COL8A2: variants seen among roughly 807,000 people sequenced by gnomAD.
COL8A2 encodes the protein collagen type VIII alpha 2 chain.
Under a neutral mutation model 24.0 loss-of-function variants are expected in COL8A2, and 16 were observed. The ratio of observed to expected loss-of-function variants is 0.67; its 90% CI spans 0.45 to 1.01. The LOEUF (loss-of-function observed/expected upper bound fraction) is 1.01, where lower values mean the gene tolerates loss of function less well. Among genes scored for constraint, COL8A2 ranks in the 50% least tolerant of loss-of-function variants. The pLI, the probability that COL8A2 is intolerant of heterozygous loss-of-function variation, is 0.00. For synonymous variants in COL8A2, 466 were observed against 424.5 expected (o/e 1.10, Z -1.20); for missense variants, 818 against 942.4 (o/e 0.87, Z 1.73).
At chr1:36,110,507 C>A (rs1643825071) in intron 2 of COL8A2, among the ~76,000 whole-genome samples, 1 of 139,800 alleles carries the variant, frequency 7.2e-6, no homozygotes, top group African/African-American at 3.4e-5. Context: ...CTTTCTCACC[C>A]AAGCTGGAGT....
rs1042743559 is a variant in COL8A2, at chr1:36,097,845, G to A, written c.1836C>T (p.Phe612=). 4.6e-5 allele frequency: 74 copies of A among 1,613,050 alleles called. No individual in the cohort carries two copies. The highest frequency in any genetic ancestry group is 6.0e-5 in the Non-Finnish European group (71 of 1,180,042). The change falls in exon 4 of 4, where the codon TTC becomes TTT. Residue 612 remains phenylalanine, a synonymous_variant. Transcript: ENST00000397799. ...HSGYNPATGI[F]TCPVGGVYYF... is the part of the protein sequence containing the mutation. ...AGTAGACGCCGCCCACAGGGCAGGTGAAGATGCCAGTGGCTGGGTTGTAGC... is the reference window on the plus strand; with the variant it reads ...AGTAGACGCCGCCCACAGGGCAGGTAAAGATGCCAGTGGCTGGGTTGTAGC...
At position 36,099,201 on chromosome 1, in the gene COL8A2, G is replaced by A. The variant is rs1290245792; in HGVS notation, c.480C>T (p.Pro160=). 3 of 1,520,474 alleles carry A rather than the reference G, an allele frequency of 2.0e-6. No homozygotes were observed. The highest frequency in any genetic ancestry group is 2.2e-5 in the Admixed American group (1 of 44,854). The allele number at this position is 1,520,474 out of a possible 1,614,324, so 94.2% of individuals were successfully genotyped here. ...TGCCTGAGGGGCCCGGGAGGCCAGG[G>A]GGTCCTGGGGGTCCCCGGAGGCCCT... The part of the protein sequence containing the change: ...GDQGLRGPPG[P]PGLPGPSGIT... Residue 160 remains proline (P), a synonymous_variant, in exon 4 of 4, where the codon CCC becomes CCT. Transcript: ENST00000397799.
intron 1 of COL8A2, among the ~76,000 whole-genome samples, chr1:36,120,909 T>C (rs1206357354): frequency 1.3e-5 from 2 of 151,188 alleles, no homozygotes; most frequent in Non-Finnish European, 2.9e-5. Flanking sequence ...GCCAACATGG[T>C]GAAACCTTGT....
At position 36,098,798 on chromosome 1, in the gene COL8A2, A is replaced by G; in HGVS notation, c.883T>C (p.Ser295Pro). The G allele has an allele frequency of 6.2e-7, 1 of 1,610,630 alleles. No individual in the cohort carries two copies. Among genetic ancestry groups the G allele is most frequent in the East Asian group, 2.2e-5 (1 of 44,680 alleles). ...AAGLPGPQGP[S>P]GAKGEPGTRG... Reference sequence around the variant, plus strand: ...GTCCCTGGCTCCCCTTTGGCCCCTGATGGGCCCTGTGGTCCTGGCAACCCT... The same window carrying G: ...GTCCCTGGCTCCCCTTTGGCCCCTGGTGGGCCCTGTGGTCCTGGCAACCCT... Residue 295 changes from serine (S) to proline (P), a missense_variant, in exon 4 of 4, where the codon TCA becomes CCA. Coordinates refer to ENST00000397799, the MANE Select transcript of COL8A2 (RefSeq NM_005202.4).
chr1:36,111,456 T>C (rs1416107290), intron 2 of COL8A2, among the ~76,000 whole-genome samples: 3 of 152,080 alleles, frequency 2.0e-5, no homozygotes, highest in Non-Finnish European at 4.4e-5. Context: ...TCTGGATGTT[T>C]CTCCTATAGT....
chr1:36,097,278 C>T lies in COL8A2; in HGVS notation c.*291G>A. On this transcript the variant is annotated 3_prime_UTR_variant, in exon 4 of 4. Coordinates refer to ENST00000397799, the MANE Select transcript of COL8A2 (RefSeq NM_005202.4). ...GAGTTGAGCTCCCTCTCAGCTCCTTCAGGGCCCAGCAGAGGCCAGGACTCA... is the reference window on the plus strand; with the variant it reads ...GAGTTGAGCTCCCTCTCAGCTCCTTTAGGGCCCAGCAGAGGCCAGGACTCA... 3.1e-6 allele frequency: 1 copy of T among 319,586 alleles called. No individual in the cohort carries two copies. Among genetic ancestry groups the T allele is most frequent in the Non-Finnish European group, 5.8e-6 (1 of 172,060 alleles). 19.8% of individuals were successfully genotyped at this position (319,586 alleles called of 1,614,324 possible). A position where few individuals can be genotyped will look rare whatever the true frequency, so the allele number is the denominator to read the frequency against.
At chr1:36,107,633 G>C (rs1643779931) in intron 2 of COL8A2, among the ~76,000 whole-genome samples, 1 of 152,160 alleles carries the variant, frequency 6.6e-6, no homozygotes, top group African/African-American at 2.4e-5. Flanking sequence ...GGTGAGAAGG[G>C]TGTGTGCGGC....
intron 1 of COL8A2, among the ~76,000 whole-genome samples, chr1:36,118,577 C>T (rs1643890276): frequency 6.6e-6 from 1 of 152,182 alleles, no homozygotes. Context: ...TTCCCTAATC[C>T]CCTCCTGGAG....
chr1:36,119,828 T>C (rs971452150), intron 1 of COL8A2, among the ~76,000 whole-genome samples: 3 of 152,096 alleles, frequency 2.0e-5, no homozygotes, highest in Non-Finnish European at 2.9e-5. Context: ...TACCCCGCAA[T>C]CTAGGTTTCT....
At chr1:36,101,091 G>A (rs1274049172) in intron 2 of COL8A2, among the ~76,000 whole-genome samples, 3 of 151,718 alleles carry the variant, frequency 2.0e-5, no homozygotes, top group African/African-American at 7.3e-5. Flanking sequence ...ATGGAGTTTC[G>A]CCATGTTGGC....
intron 2 of COL8A2, among the ~76,000 whole-genome samples, chr1:36,113,710 G>A (rs548645615): frequency 6.6e-6 from 1 of 152,352 alleles, no homozygotes; most frequent in South Asian, 2.1e-4. Flanking sequence ...GAAGGCAGGA[G>A]AGGAGGGCTG....
chr1:36,099,810 G>A (rs575254719), intron 3 of COL8A2, among the ~76,000 whole-genome samples: 7 of 152,246 alleles, frequency 4.6e-5, no homozygotes, highest in East Asian at 1.9e-4. Flanking sequence ...CTTAGAGCCC[G>A]TGGGAGCAGA....
intron 2 of COL8A2, among the ~76,000 whole-genome samples, chr1:36,108,001 C>T (rs1643785572): frequency 6.6e-6 from 1 of 152,198 alleles, no homozygotes; most frequent in Non-Finnish European, 1.5e-5. Context: ...CCCACTCTGC[C>T]CTGTACAGGG....
At position 36,115,909 on chromosome 1, in the gene COL8A2, A is replaced by T. The variant is rs11263855; in HGVS notation, c.-61-157T>A. 0.093 allele frequency among the ~76,000 whole-genome samples: 14,128 copies of T among 151,992 alleles called. 778 individuals are homozygous for T. The highest frequency in any genetic ancestry group is 0.2 in the South Asian group (966 of 4,812). On this transcript the variant is annotated intron_variant, in intron 1 of 3. Coordinates refer to ENST00000397799, the MANE Select transcript of COL8A2 (RefSeq NM_005202.4). This position sits in a 1 kb window ranked among gnomAD's most constrained non-coding sequence, Gnocchi z 5.7. The stretch of plus-strand genomic sequence containing the variant: ...AGACATTGTCTGTACTAAAAATTTT[A>T]AAAAATTAGCTGGGCATGATGGTGC...
At chr1:36,121,388 C>CAAAAAAAAA (rs57902365) in intron 1 of COL8A2, among the ~76,000 whole-genome samples, 1 of 47,636 alleles carries the variant, frequency 2.1e-5, no homozygotes, top group African/African-American at 9.1e-5. Context: ...GACTCTGTCT[C>CAAAAAAAAA]AAAAAAAAAA....
At chr1:36,100,307 G>T in intron 2 of COL8A2, 49 bp from the exon 3 acceptor site, 1 of 1,490,724 alleles carries the variant, frequency 6.7e-7, no homozygotes, top group Non-Finnish European at 9.0e-7. Flanking sequence ...GGGTGGTTTG[G>T]CACTAGGCCC....
chr1:36,112,876 C>T (rs1158634015), intron 2 of COL8A2, among the ~76,000 whole-genome samples: 1 of 152,220 alleles, frequency 6.6e-6, no homozygotes, highest in African/African-American at 2.4e-5. Flanking sequence ...CCAGAGGACG[C>T]TGACCCTGCC....
At chr1:36,106,036 C>T (rs190176947) in intron 2 of COL8A2, among the ~76,000 whole-genome samples, 62 of 151,206 alleles carry the variant, frequency 4.1e-4, no homozygotes, top group African/African-American at 1.3e-3. Flanking sequence ...TTTGGGAGGC[C>T]GAGGCAGGCG....
At chr1:36,109,228 G>C (rs986503626) in intron 2 of COL8A2, among the ~76,000 whole-genome samples, 2 of 152,164 alleles carry the variant, frequency 1.3e-5, no homozygotes, top group African/African-American at 2.4e-5. Flanking sequence ...TGTGGGATCC[G>C]GCTGCCCTGC....
Sources: gnomAD v4.1 joint callset for allele counts (sites outside exome capture counted in the v4.1 genomes callset) on GRCh38, gnomAD v4.1.1 for gene constraint, Gnocchi (gnomAD v3.1) non-coding constraint, MANE v1.5 for transcripts, NCBI Gene and HGNC (gene_info 2026-07-23, HGNC 2026-07-21) for gene names.